Variants in CRACD observed in about 807,000 individuals in gnomAD.
The protein encoded by CRACD is capping protein inhibiting regulator of actin dynamics.
CRACD carries 56 observed loss-of-function variants against 106.8 expected under a neutral mutation model. The observed-to-expected ratio is 0.52, with a 90% CI of 0.42 to 0.66. CRACD has a LOEUF of 0.66. Among genes scored for constraint, CRACD ranks in the 30% least tolerant of loss-of-function variants. The probability of loss-of-function intolerance (pLI) is 0.00; values close to 1 mark genes in which losing one functional copy is unlikely to be tolerated. For missense variants in CRACD, 1,730 were observed against 1,623.2 expected (o/e 1.07, Z -1.13); for synonymous variants, 754 against 670.8 (o/e 1.12, Z -1.92).
At chr4:56,089,933 A>G (rs1432093495) in intron 1 of CRACD, among the ~76,000 whole-genome samples, 1 of 152,110 alleles carries the variant, frequency 6.6e-6, no homozygotes, top group East Asian at 1.9e-4. Context: ...TCTGTATAAA[A>G]AGTTCTTAAT....
intron 3 of CRACD, among the ~76,000 whole-genome samples, chr4:56,294,942 G>GAAAAAAA (rs1052497401): frequency 1.8e-5 from 2 of 113,158 alleles, no homozygotes; most frequent in Non-Finnish European, 3.7e-5. Context: ...AAAGTAAAAA[G>GAAAAAAA]AAAAAAAAGA....
At chr4:56,058,826 T>G (rs976811726) in intron 1 of CRACD, among the ~76,000 whole-genome samples, 9 of 152,188 alleles carry the variant, frequency 5.9e-5, no homozygotes, top group African/African-American at 2.2e-4. Context: ...GTCACTTAAT[T>G]TGTCATCGGT....
chr4:56,083,091 A>G (rs985066439), intron 1 of CRACD, among the ~76,000 whole-genome samples: 1 of 152,206 alleles, frequency 6.6e-6, no homozygotes, highest in Non-Finnish European at 1.5e-5. Context: ...GGAGCCAGAG[A>G]GACACTAGAG....
chr4:56,271,074 C>T (rs1319638450), intron 2 of CRACD, among the ~76,000 whole-genome samples: 1 of 142,634 alleles, frequency 7.0e-6, no homozygotes, highest in African/African-American at 2.6e-5. Flanking sequence ...CATTGCACTC[C>T]AGCTTGGGCG....
chr4:56,291,909 T>C (rs1299795109), intron 3 of CRACD, among the ~76,000 whole-genome samples: 3 of 152,202 alleles, frequency 2.0e-5, no homozygotes, highest in South Asian at 2.1e-4. Flanking sequence ...TAAAGATACC[T>C]GAAAATGTCA....
chr4:56,165,475 C>T (rs1267977854), intron 1 of CRACD, among the ~76,000 whole-genome samples: 2 of 152,102 alleles, frequency 1.3e-5, no homozygotes, highest in Non-Finnish European at 2.9e-5. Flanking sequence ...AGCTGAAGCA[C>T]TAAGATTTAA....
chr4:56,187,633 C>A (rs151183852), intron 2 of CRACD, among the ~76,000 whole-genome samples: 1 of 152,016 alleles, frequency 6.6e-6, no homozygotes, highest in Non-Finnish European at 1.5e-5. Flanking sequence ...GAATTTATTA[C>A]CCCTACAATG....
At chr4:56,270,248 G>T (rs1742271845) in intron 2 of CRACD, among the ~76,000 whole-genome samples, 1 of 151,138 alleles carries the variant, frequency 6.6e-6, no homozygotes, top group Admixed American at 6.6e-5. Flanking sequence ...TTTTAGAGAT[G>T]GGGTCTCATA....
At chr4:56,225,344 T>C (rs556443915) in intron 2 of CRACD, among the ~76,000 whole-genome samples, 1 of 152,330 alleles carries the variant, frequency 6.6e-6, no homozygotes, top group East Asian at 1.9e-4. Flanking sequence ...TCAACCCACC[T>C]AGGCCTCCCA....
intron 2 of CRACD, among the ~76,000 whole-genome samples, chr4:56,226,876 G>C (rs74733078): frequency 6.9e-6 from 1 of 145,844 alleles, no homozygotes; most frequent in East Asian, 2.0e-4. Context: ...CTCTCTCTCT[G>C]TCTCTCTCTC....
chr4:56,252,738 AACAG>A (rs1166969763), intron 2 of CRACD, among the ~76,000 whole-genome samples: 1 of 152,192 alleles, frequency 6.6e-6, no homozygotes, highest in African/African-American at 2.4e-5. Flanking sequence ...AAGAAAAGCA[AACAG>A]ACAAACACAG....
At position 56,098,424 on chromosome 4, in the gene CRACD, C is replaced by T. The variant is rs148092925; in HGVS notation, c.-336+49125C>T. 3.8e-3 allele frequency among the ~76,000 whole-genome samples: 576 copies of T among 152,068 alleles called. 5 individuals are homozygous for T. Among genetic ancestry groups the T allele is most frequent in the African/African-American group, 0.013 (539 of 41,452 alleles). On this transcript the variant is annotated intron_variant, in intron 1 of 10. Coordinates refer to ENST00000682029, the MANE Select transcript of CRACD (RefSeq NM_001393381.1). ...AACTATATATACATTTACACTACTT[C>T]GGGAAAATGTAAATAAATATTATGG...
Position 56,049,155 on chromosome 4 carries a change from G to C in CRACD, c.-480G>C, listed in dbSNP as rs1731775865. ...CAATGGAGGCCACGGCCGACTGAGA[G>C]GCGGGTGCGCTGCTGGTGCTGCTGC... On this transcript the variant is annotated 5_prime_UTR_variant, in exon 1 of 11. Coordinates refer to ENST00000682029, the MANE Select transcript of CRACD (RefSeq NM_001393381.1). 1 of 149,734 alleles carries C rather than the reference G, an allele frequency of 6.7e-6. No homozygotes were observed. The highest frequency in any genetic ancestry group is 1.9e-4 in the East Asian group (1 of 5,150). 9.3% of individuals were successfully genotyped at this position (149,734 alleles called of 1,614,324 possible).
chr4:56,246,183 C>A (rs975781609), intron 2 of CRACD, among the ~76,000 whole-genome samples: 8 of 152,164 alleles, frequency 5.3e-5, no homozygotes, highest in Non-Finnish European at 1.2e-4. Flanking sequence ...AGAGACACTT[C>A]CTTGAGTTGC....
intron 2 of CRACD, among the ~76,000 whole-genome samples, chr4:56,243,307 G>T (rs1239826101): frequency 2.0e-5 from 3 of 152,220 alleles, no homozygotes; most frequent in Non-Finnish European, 2.9e-5. Context: ...GGCGTTAGGA[G>T]ATAGTGATCA....
At position 56,271,571 on chromosome 4, in the gene CRACD, TA is replaced by T. The variant is rs1045778861; in HGVS notation, c.-188-740del. ...TATGTATAGATAGAGATAAAAATAT[TA>T]AAAAAAAAACAAAACTATCTGACTT... On this transcript the variant is annotated intron_variant, in intron 2 of 10. Transcript: ENST00000682029. 3.6e-3 allele frequency among the ~76,000 whole-genome samples: 528 copies of T among 147,840 alleles called. 2 individuals carry two copies. Among genetic ancestry groups the T allele is most frequent in the African/African-American group, 0.011 (438 of 40,370 alleles).
chr4:56,237,026 A>G (rs1740016373), intron 2 of CRACD, among the ~76,000 whole-genome samples: 1 of 152,166 alleles, frequency 6.6e-6, no homozygotes, highest in African/African-American at 2.4e-5. Flanking sequence ...CGACCCAGCA[A>G]TCCCATCCTT....
At chr4:56,109,330 A>G (rs997385950) in intron 1 of CRACD, among the ~76,000 whole-genome samples, 2 of 150,818 alleles carry the variant, frequency 1.3e-5, no homozygotes, top group African/African-American at 4.9e-5. Flanking sequence ...AATTTGTATT[A>G]TGACTATTCT....
chr4:56,209,213 A>C (rs1738279308), intron 2 of CRACD, among the ~76,000 whole-genome samples: 2 of 152,264 alleles, frequency 1.3e-5, no homozygotes, highest in African/African-American at 4.8e-5. Context: ...TACAATTAAA[A>C]ATTTTTTCAA....
Sources: allele counts gnomAD v4.1 joint callset (sites outside exome capture counted in the v4.1 genomes callset), GRCh38; gene constraint gnomAD v4.1.1; transcripts MANE v1.5; gene names NCBI Gene and HGNC (gene_info 2026-07-23, HGNC 2026-07-21).